LSP1: variants seen among roughly 807,000 people sequenced by gnomAD.
The protein encoded by LSP1 is lymphocyte-specific protein 1.
Under a neutral mutation model 49.3 loss-of-function variants are expected in LSP1, and 32 were observed. The observed-to-expected ratio is 0.65, with a 90% CI of 0.49 to 0.87. The LOEUF (loss-of-function observed/expected upper bound fraction) is 0.87, where lower values mean the gene tolerates loss of function less well. Among genes scored for constraint, LSP1 ranks in the 40% least tolerant of loss-of-function variants. The pLI, the probability that LSP1 is intolerant of heterozygous loss-of-function variation, is 0.00. For missense variants in LSP1, 428 were observed against 442.6 expected, an observed-to-expected ratio of 0.97 and a Z score of 0.30; for synonymous variants, 179 against 178.8, an observed-to-expected ratio of 1.00 and a Z score of -0.01.
Position 1,853,117 on chromosome 11 carries a change from C to T in LSP1, c.-28C>T. ...TACACCCACTCCAGGGATCTGCCAGCACCCTGTGGGGCCCAGACTACAGGC... is the reference window on the plus strand; with the variant it reads ...TACACCCACTCCAGGGATCTGCCAGTACCCTGTGGGGCCCAGACTACAGGC... On this transcript the variant is annotated 5_prime_UTR_variant, in exon 1 of 11. Coordinates refer to ENST00000311604, the MANE Select transcript of LSP1 (RefSeq NM_002339.3). The T allele has an allele frequency of 1.2e-6, 2 of 1,603,062 alleles. No homozygotes were observed. Among genetic ancestry groups the T allele is most frequent in the Non-Finnish European group, 1.7e-6 (2 of 1,175,952 alleles).
intron 1 of LSP1, chr11:1,870,905 C>T (rs1847969964): frequency 1.0e-6 from 1 of 985,864 alleles, no homozygotes; most frequent in Non-Finnish European, 1.2e-6. Flanking sequence ...CCAGCTGGCC[C>T]AGGCGCCGCA....
rs577143187 is a variant in LSP1 at position 1,881,663 on chromosome 11, G to A, written c.356+67G>A. Reference sequence around the variant, plus strand: ...CTCCCTCTGGACCTCGAGGGCGGGCGCTGGGCAGAGCAGGGCTCCCTCTGG... The same window carrying A: ...CTCCCTCTGGACCTCGAGGGCGGGCACTGGGCAGAGCAGGGCTCCCTCTGG... On this transcript the variant is annotated intron_variant, in intron 3 of 10. Transcript: ENST00000311604. 9 of 1,433,964 alleles carry A rather than the reference G, an allele frequency of 6.3e-6. No individual in the cohort carries two copies. In the South Asian group the frequency reaches 9.0e-5, roughly 14 times the overall value. The allele number at this position is 1,433,964 out of a possible 1,614,324, so 88.8% of individuals were successfully genotyped here.
chr11:1,868,921 C>T (rs983844965), intron 1 of LSP1: 3 of 985,948 alleles, frequency 3.0e-6, no homozygotes, highest in East Asian at 1.1e-4. Context: ...AAAGGGGAGG[C>T]ACCCTGAGGC....
At position 1,892,095 on chromosome 11, in the gene LSP1, G is replaced by C. The variant is rs1849024313; in HGVS notation, c.*336G>C. ...CCAAGTGCCTTCTAGGAAGTTAGGA[G>C]GTTGAGGCACAGCCTGTGCAGAGAG... On this transcript the variant is annotated 3_prime_UTR_variant, in exon 11 of 11. Coordinates refer to ENST00000311604, the MANE Select transcript of LSP1 (RefSeq NM_002339.3). 1 of 152,272 alleles carries C rather than the reference G, an allele frequency of 6.6e-6. No individual in the cohort carries two copies. The highest frequency in any genetic ancestry group is 1.9e-4 in the East Asian group (1 of 5,290). 9.4% of individuals were successfully genotyped at this position (152,272 alleles called of 1,614,324 possible).
chr11:1,871,934 G>A (rs1848033365), intron 1 of LSP1, among the ~76,000 whole-genome samples: 1 of 150,414 alleles, frequency 6.6e-6, no homozygotes, highest in Non-Finnish European at 1.5e-5. Context: ...GGGGGGGTGT[G>A]TGGCGGGCAG....
Position 1,853,136 on chromosome 11 carries a change from T to A in LSP1, c.-9T>A, listed in dbSNP as rs779046342. ...TGCCAGCACCCTGTGGGGCCCAGAC[T>A]ACAGGCTGATGGCGGAGGCTTCGAG... On this transcript the variant is annotated 5_prime_UTR_variant, in exon 1 of 11. Transcript: ENST00000311604. The A allele has an allele frequency of 6.2e-7, 1 of 1,609,380 alleles. No individual in the cohort carries two copies. Among genetic ancestry groups the A allele is most frequent in the South Asian group, 1.1e-5 (1 of 90,032 alleles).
intron 1 of LSP1, 127 bp downstream of exon 1, chr11:1,853,324 G>A: frequency 6.2e-6 from 6 of 961,984 alleles, no homozygotes; most frequent in Non-Finnish European, 9.0e-6. Context: ...GGAGAACTTG[G>A]ATGTCCGATG....
intron 1 of LSP1, among the ~76,000 whole-genome samples, chr11:1,857,457 G>A (rs1847517893): frequency 6.6e-6 from 1 of 152,242 alleles, no homozygotes; most frequent in African/African-American, 2.4e-5. Flanking sequence ...CTAGAGAAGA[G>A]GAGGGTGTTG....
chr11:1,867,820 C>A (rs1181115431), intron 1 of LSP1, among the ~76,000 whole-genome samples: 1 of 151,970 alleles, frequency 6.6e-6, no homozygotes, highest in Non-Finnish European at 1.5e-5. Flanking sequence ...TCCCCCCTGC[C>A]CCGTCGCCCC....
At position 1,880,110 on chromosome 11, in the gene LSP1, A is replaced by G. The variant is rs1344481079; in HGVS notation, c.77A>G (p.Glu26Gly). 2 of 1,609,500 alleles carry G rather than the reference A, an allele frequency of 1.2e-6. No homozygotes were observed. The highest frequency in any genetic ancestry group is 1.7e-6 in the Non-Finnish European group (2 of 1,177,540). ...AGGCCCACTGCTCAGTGGAGCGTGGAGGACGAGGAGGAGGCCGTCCACGAG... is the reference window on the plus strand; with the variant it reads ...AGGCCCACTGCTCAGTGGAGCGTGGGGGACGAGGAGGAGGCCGTCCACGAG... ...LLGPTAQWSV[E>G]DEEEAVHEQC... The change falls in exon 2 of 11, where the codon GAG (glutamate) becomes GGG (glycine). Residue 26 changes from glutamate (E) to glycine (G), a missense_variant. By Grantham distance (98) the Glu-to-Gly change is moderately conservative. Transcript: ENST00000311604.
At chr11:1,871,937 G>T (rs1392114535) in intron 1 of LSP1, among the ~76,000 whole-genome samples, 1 of 150,052 alleles carries the variant, frequency 6.7e-6, no homozygotes, top group Non-Finnish European at 1.5e-5. Flanking sequence ...GGGGTGTGTG[G>T]CGGGCAGGCC....
At chr11:1,869,333 G>C (rs1400492217) in intron 1 of LSP1, 4 of 314,952 alleles carry the variant, frequency 1.3e-5, no homozygotes, top group Admixed American at 4.2e-5. Context: ...CCTACCTGGG[G>C]AGAAGTGACA....
chr11:1,870,075 G>T, intron 1 of LSP1: 1 of 450,586 alleles, frequency 2.2e-6, no homozygotes, highest in East Asian at 7.2e-5. Flanking sequence ...CGCCCCTGGC[G>T]ACCATTGTGA....
rs191448862 is a variant in LSP1, at chr11:1,872,210, G to T, written c.54-7877G>T. On this transcript the variant is annotated intron_variant, in intron 1 of 10. Transcript: ENST00000311604. Reference sequence around the variant, plus strand: ...CTGGCGTGGGCACCTTTGGGACGGGGTGTGTGTGGTGGGCAGGCCTGGGCT... The same window carrying T: ...CTGGCGTGGGCACCTTTGGGACGGGTTGTGTGTGGTGGGCAGGCCTGGGCT... Among the ~76,000 whole-genome samples, 807 of 136,856 alleles carry T rather than the reference G, an allele frequency of 5.9e-3. 13 individuals are homozygous for T. The highest frequency in any genetic ancestry group is 0.057 in the East Asian group (236 of 4,160). 89.8% of individuals were successfully genotyped at this position (136,856 alleles called of 152,430 possible).
chr11:1,890,248 G>A (rs183686134), intron 10 of LSP1: 167 of 715,822 alleles, frequency 2.3e-4, no homozygotes, highest in African/African-American at 2.3e-3. Context: ...TGCGGGGAGC[G>A]GGGTAGGGCA....
chr11:1,888,390 C>T (rs772714987), intron 10 of LSP1, among the ~76,000 whole-genome samples: 1 of 152,132 alleles, frequency 6.6e-6, no homozygotes, highest in Non-Finnish European at 1.5e-5. Context: ...CCTCATCCAG[C>T]TGTCAAAGCC....
chr11:1,880,309 G>A (rs1474466817), intron 2 of LSP1, 85 bp downstream of exon 2: 2 of 1,407,976 alleles, frequency 1.4e-6, no homozygotes, highest in African/African-American at 2.9e-5. Context: ...TCAAGGGCCT[G>A]GGCTTGGGGG....
chr11:1,854,238 G>A (rs1320180471), intron 1 of LSP1, among the ~76,000 whole-genome samples: 1 of 152,130 alleles, frequency 6.6e-6, no homozygotes, highest in African/African-American at 2.4e-5. Context: ...AGGCGCTGGG[G>A]CCCAGGTTGC....
rs553607870 is a variant in LSP1 at position 1,853,734 on chromosome 11, G to A, written c.53+537G>A. Reference sequence around the variant, plus strand: ...GCACCCAAAGCTGCCCTTGACCTGCGGTAAAGGACAAGGCCAAGGATTCTG... The same window carrying A: ...GCACCCAAAGCTGCCCTTGACCTGCAGTAAAGGACAAGGCCAAGGATTCTG... On this transcript the variant is annotated intron_variant, in intron 1 of 10. Coordinates refer to ENST00000311604, the MANE Select transcript of LSP1 (RefSeq NM_002339.3). 2.4e-3 allele frequency among the ~76,000 whole-genome samples: 362 copies of A among 152,302 alleles called. 2 individuals are homozygous for A. Among genetic ancestry groups the A allele is most frequent in the African/African-American group, 8.4e-3 (351 of 41,564 alleles).
Sources: gnomAD v4.1 joint callset for allele counts (sites outside exome capture counted in the v4.1 genomes callset) on GRCh38, gnomAD v4.1.1 for gene constraint, MANE v1.5 for transcripts, NCBI Gene and HGNC (gene_info 2026-07-23, HGNC 2026-07-21) for gene names.